The following AFF3 variants were observed in gnomAD, a reference collection of about 807,000 sequenced individuals.
The protein encoded by AFF3 is ALF transcription elongation factor 3.
Under a neutral mutation model 129.7 loss-of-function variants are expected in AFF3, and 32 were observed. The ratio of observed to expected loss-of-function variants is 0.25; its 90% CI spans 0.19 to 0.33. The LOEUF (loss-of-function observed/expected upper bound fraction) is 0.33. Among genes scored for constraint, AFF3 ranks in the 10% least tolerant of loss-of-function variants. The pLI is 1.00. For synonymous variants in AFF3, 644 were observed against 635.4 expected (o/e 1.01, Z -0.20); for missense variants, 1,373 against 1,592.0 (o/e 0.86, Z 2.34).
chr2:100,135,233 A>T (rs1486444161), intron 1 of AFF3, among the ~76,000 whole-genome samples: 10 of 152,200 alleles, frequency 6.6e-5, no homozygotes, highest in Admixed American at 2.0e-4. Flanking sequence ...AAAGATGGCC[A>T]CAGCAGTGTG....
intron 4 of AFF3, among the ~76,000 whole-genome samples, chr2:100,010,413 G>T (rs796296286): frequency 6.6e-6 from 1 of 152,174 alleles, no homozygotes; most frequent in African/African-American, 2.4e-5. Flanking sequence ...TGCTGTCTAA[G>T]GGGTGATGCG....
intron 7 of AFF3, among the ~76,000 whole-genome samples, chr2:99,922,531 A>G (rs1330918834): frequency 6.6e-6 from 1 of 152,186 alleles, no homozygotes; most frequent in African/African-American, 2.4e-5. Flanking sequence ...AGGACAACCT[A>G]TGGTGACAGT....
chr2:99,673,392 G>A (rs1330781635), intron 11 of AFF3, among the ~76,000 whole-genome samples: 1 of 152,152 alleles, frequency 6.6e-6, no homozygotes, highest in Admixed American at 6.5e-5. Context: ...TGAGGAGACA[G>A]CGGGGAAGCA....
chr2:99,961,888 C>T (rs906969978), intron 7 of AFF3, among the ~76,000 whole-genome samples: 2 of 152,168 alleles, frequency 1.3e-5, no homozygotes, highest in Admixed American at 6.5e-5. Flanking sequence ...ATCCGCAAGG[C>T]GGATAGATCA....
At chr2:99,695,974 CCA>C (rs1676219470) in intron 11 of AFF3, among the ~76,000 whole-genome samples, 1 of 72,964 alleles carries the variant, frequency 1.4e-5, no homozygotes, top group African/African-American at 7.8e-5. Context: ...AAAGAAAAAA[CCA>C]AAAAAAAAAA....
At chr2:99,581,378 A>G (rs752261630) in intron 17 of AFF3, among the ~76,000 whole-genome samples, 8 of 152,130 alleles carry the variant, frequency 5.3e-5, no homozygotes, top group Admixed American at 2.6e-4. Flanking sequence ...GGTGCACAAA[A>G]AAGGTTCATT....
chr2:99,567,649 G>C (rs1469426551), intron 19 of AFF3, among the ~76,000 whole-genome samples: 2 of 152,174 alleles, frequency 1.3e-5, no homozygotes, highest in Non-Finnish European at 2.9e-5. Context: ...GTGCCCATGA[G>C]AGTGTGTGAG....
chr2:99,987,451 T>C (rs1679975408), intron 7 of AFF3, among the ~76,000 whole-genome samples: 1 of 152,222 alleles, frequency 6.6e-6, no homozygotes, highest in African/African-American at 2.4e-5. Flanking sequence ...GACCCTCCTG[T>C]AATGCCAGTC....
At chr2:99,961,353 A>G (rs1165580259) in intron 7 of AFF3, among the ~76,000 whole-genome samples, 2 of 152,230 alleles carry the variant, frequency 1.3e-5, no homozygotes, top group African/African-American at 4.8e-5. Context: ...TAATTGCTCA[A>G]GTCAGGCTGG....
At chr2:99,745,886 AT>A (rs1681113924) in intron 9 of AFF3, among the ~76,000 whole-genome samples, 1 of 152,200 alleles carries the variant, frequency 6.6e-6, no homozygotes, top group South Asian at 2.1e-4. Context: ...AGTAAACCAC[AT>A]ACCATATGTT....
intron 11 of AFF3, among the ~76,000 whole-genome samples, chr2:99,682,936 G>C (rs1477063135): frequency 6.6e-6 from 1 of 152,208 alleles, no homozygotes; most frequent in Non-Finnish European, 1.5e-5. Flanking sequence ...AGACATCTGA[G>C]ATTACTGTTA....
At chr2:100,091,013 G>T (rs2576686) in intron 4 of AFF3, among the ~76,000 whole-genome samples, 1 of 152,040 alleles carries the variant, frequency 6.6e-6, no homozygotes, top group Non-Finnish European at 1.5e-5. Context: ...TTTTAAGGTC[G>T]CATGGGACCT....
intron 8 of AFF3, among the ~76,000 whole-genome samples, chr2:99,758,469 ACAGCTACTCGGG>A (rs1682302158): frequency 6.6e-6 from 1 of 151,612 alleles, no homozygotes; most frequent in Non-Finnish European, 1.5e-5. Context: ...GCCTGTAATC[ACAGCTACTCGGG>A]CAGCTGAGGC....
chr2:99,917,760 C>A (rs150861065), intron 7 of AFF3, among the ~76,000 whole-genome samples: 2 of 152,028 alleles, frequency 1.3e-5, no homozygotes, highest in East Asian at 3.9e-4. Flanking sequence ...CAGAATTCTA[C>A]ACAACTAATT....
At position 99,778,872 on chromosome 2, in the gene AFF3, G is replaced by T. The variant is rs1684151473; in HGVS notation, c.922-26571C>A. Among the ~76,000 whole-genome samples, 11 of 39,644 alleles carry T rather than the reference G, an allele frequency of 2.8e-4. 1 individual carries two copies. The South Asian group carries it at 0.02, about 72-fold the overall frequency. The allele number at this position is 39,644 out of a possible 152,430, so 26.0% of individuals were successfully genotyped here. On this transcript the variant is annotated intron_variant, in intron 8 of 24. Coordinates refer to ENST00000672756, the MANE Select transcript of AFF3 (RefSeq NM_001386135.1). Reference sequence around the variant, plus strand: ...AAACTTGTTTATTACCTATAATTTTGTGTGTGTGTGTGTGTGTGTGTGCGC... The same window carrying T: ...AAACTTGTTTATTACCTATAATTTTTTGTGTGTGTGTGTGTGTGTGTGCGC...
At position 99,601,582 on chromosome 2, in the gene AFF3, A is replaced by T. The variant is rs1477511132; in HGVS notation, c.1224T>A (p.Pro408=). The T allele has an allele frequency of 6.3e-7, 1 of 1,598,966 alleles. No homozygotes were observed. The highest frequency in any genetic ancestry group is 1.3e-5 in the African/African-American group (1 of 74,868). The part of the protein sequence containing the change: ...VQQPNCRTSV[P]SSKGSSSSSS... ...TGCTGCTGCTGCTGCCCTTGCTGGA[A>T]GGCACCGAGGTTCTGCAGTTGGGCT... Residue 408 remains proline, a synonymous_variant, in exon 14 of 25, where the codon CCT becomes CCA. Transcript: ENST00000672756.
chr2:99,623,206 G>A (rs980453090), intron 13 of AFF3, among the ~76,000 whole-genome samples: 1 of 149,588 alleles, frequency 6.7e-6, no homozygotes, highest in Non-Finnish European at 1.5e-5. Flanking sequence ...TGCCAAATAA[G>A]GGCAATGATC....
chr2:99,767,266 C>T lies in AFF3; in HGVS notation c.922-14965G>A, dbSNP rs536569095. ...TAAACAATGAACAAATACATGTAAACGCAACAGATCTATATTCGAACAGTT... is the reference window on the plus strand; with the variant it reads ...TAAACAATGAACAAATACATGTAAATGCAACAGATCTATATTCGAACAGTT... On this transcript the variant is annotated intron_variant, in intron 8 of 24. Transcript: ENST00000672756. Among the ~76,000 whole-genome samples, 14 of 152,252 alleles carry T rather than the reference C, an allele frequency of 9.2e-5. No homozygotes were observed. The South Asian group carries it at 1.9e-3, about 20-fold the overall frequency.
At chr2:99,592,943 C>CCCCAA (rs766393879) in intron 15 of AFF3, among the ~76,000 whole-genome samples, 1 of 123,016 alleles carries the variant, frequency 8.1e-6, no homozygotes, top group Admixed American at 8.4e-5. Flanking sequence ...CCCCCCCCCC[C>CCCCAA]AAAAAAAGGG....
Sources: gnomAD v4.1 joint callset for allele counts (sites outside exome capture counted in the v4.1 genomes callset) on GRCh38, gnomAD v4.1.1 for gene constraint, MANE v1.5 for transcripts, NCBI Gene and HGNC (gene_info 2026-07-23, HGNC 2026-07-21) for gene names.